KIAA1217: variants seen among roughly 807,000 people sequenced by gnomAD.
KIAA1217 encodes sickle tail protein homolog.
KIAA1217 carries 88 observed loss-of-function variants against 163.9 expected under a neutral mutation model. The observed-to-expected ratio is 0.54, with a 90% CI of 0.45 to 0.64. The LOEUF is 0.64. KIAA1217 is among the 30% of genes least tolerant of loss of function. The pLI is 0.00. For missense variants in KIAA1217, 2,372 were observed against 2,475.0 expected (o/e 0.96, Z 0.88); for synonymous variants, 903 against 923.1 (o/e 0.98, Z 0.39).
At chr10:24,526,005 CA>C (rs1001882931) in intron 13 of KIAA1217, among the ~76,000 whole-genome samples, 3 of 152,148 alleles carry the variant, frequency 2.0e-5, no homozygotes, top group Admixed American at 6.6e-5. Flanking sequence ...ATCATAAGAT[CA>C]AATGACATAT....
At chr10:23,827,317 T>G (rs184070940) in intron 1 of KIAA1217, among the ~76,000 whole-genome samples, 1 of 152,334 alleles carries the variant, frequency 6.6e-6, no homozygotes, top group Non-Finnish European at 1.5e-5. Flanking sequence ...TGAAAAACTT[T>G]CACTGGCTCT....
intron 2 of KIAA1217, among the ~76,000 whole-genome samples, chr10:24,045,187 A>G (rs1007533418): frequency 6.6e-6 from 1 of 152,062 alleles, no homozygotes; most frequent in African/African-American, 2.4e-5. Flanking sequence ...TGAGATCTAG[A>G]AGTGTTGATG....
intron 1 of KIAA1217, among the ~76,000 whole-genome samples, chr10:23,891,422 C>T (rs993098146): frequency 1.3e-5 from 2 of 151,888 alleles, no homozygotes; most frequent in African/African-American, 4.8e-5. Context: ...ACGTTTAAAC[C>T]TTTGAACCCA....
At chr10:24,536,140 C>A (rs960109120) in intron 16 of KIAA1217, among the ~76,000 whole-genome samples, 4 of 152,158 alleles carry the variant, frequency 2.6e-5, no homozygotes, top group Non-Finnish European at 5.9e-5. Context: ...GACTGAAGTT[C>A]ACAAGAGCCA....
At position 23,747,742 on chromosome 10, in the gene KIAA1217, A is replaced by G. The variant is rs987905491; in HGVS notation, c.-321+52508A>G. Among the ~76,000 whole-genome samples, 6 of 152,250 alleles carry G rather than the reference A, an allele frequency of 3.9e-5. No individual in the cohort carries two copies. In the East Asian group the frequency reaches 1.2e-3, roughly 29 times the overall value. On this transcript the variant is annotated intron_variant, in intron 1 of 18. Transcript: ENST00000376462. ...GTGAGTTCCTTCAGAAGCCCAATCT[A>G]GAACTGGCTGGCCTCTTTGCAAAAG...
At chr10:24,372,443 A>C (rs1386178419) in intron 2 of KIAA1217, among the ~76,000 whole-genome samples, 1 of 152,298 alleles carries the variant, frequency 6.6e-6, no homozygotes, top group East Asian at 1.9e-4. Context: ...GAAGGAACTC[A>C]GATAAAACAA....
intron 7 of KIAA1217, 95 bp from the exon 8 acceptor site, chr10:24,495,052 C>G: frequency 2.0e-6 from 2 of 1,004,150 alleles, no homozygotes; most frequent in Middle Eastern, 2.1e-4. Context: ...CCCATCACTG[C>G]CAATTGCTTC....
At chr10:24,512,616 C>T (rs1033652793) in intron 9 of KIAA1217, among the ~76,000 whole-genome samples, 5 of 152,218 alleles carry the variant, frequency 3.3e-5, no homozygotes, top group African/African-American at 9.6e-5. Flanking sequence ...CATCCAGAAT[C>T]ATTATCATTG....
chr10:23,855,094 A>G (rs554455202), intron 1 of KIAA1217, among the ~76,000 whole-genome samples: 2 of 152,254 alleles, frequency 1.3e-5, no homozygotes, highest in African/African-American at 4.8e-5. Flanking sequence ...TAGTTGATGC[A>G]GTTTCTTCCT....
At chr10:24,036,095 A>G (rs1385402189) in intron 2 of KIAA1217, among the ~76,000 whole-genome samples, 1 of 152,210 alleles carries the variant, frequency 6.6e-6, no homozygotes, top group Non-Finnish European at 1.5e-5. Context: ...CCCAGGGAGG[A>G]GATCCCCAAC....
At chr10:24,397,299 AG>A (rs1166296051) in intron 3 of KIAA1217, among the ~76,000 whole-genome samples, 1 of 152,120 alleles carries the variant, frequency 6.6e-6, no homozygotes, top group African/African-American at 2.4e-5. Flanking sequence ...TATGTTGGCC[AG>A]GCTGGTCTCG....
chr10:24,181,805 G>A (rs2066183627), intron 2 of KIAA1217, among the ~76,000 whole-genome samples: 1 of 152,154 alleles, frequency 6.6e-6, no homozygotes, highest in Non-Finnish European at 1.5e-5. Flanking sequence ...TGTCAAGGAT[G>A]TCTCTGATTT....
At chr10:24,450,401 C>T (rs2061297631) in intron 5 of KIAA1217, among the ~76,000 whole-genome samples, 1 of 152,190 alleles carries the variant, frequency 6.6e-6, no homozygotes, top group South Asian at 2.1e-4. Context: ...TCTCTTATAG[C>T]AGGTTTAGTG....
chr10:24,300,561 G>A (rs868819759), intron 2 of KIAA1217, among the ~76,000 whole-genome samples: 3 of 151,966 alleles, frequency 2.0e-5, no homozygotes, highest in Non-Finnish European at 4.4e-5. Context: ...TTTGGGTGGC[G>A]TCTGCATTCT....
chr10:23,786,538 CA>C (rs4019609), intron 1 of KIAA1217, among the ~76,000 whole-genome samples: 5,566 of 126,604 alleles, frequency 0.044, 120 homozygotes, highest in South Asian at 0.12. Context: ...CAGAAGTAGC[CA>C]AAAAAAAAAA....
At chr10:24,026,742 A>ATTTTTTTTTTTTTTTTTTTTTTTT in intron 2 of KIAA1217, among the ~76,000 whole-genome samples, 7 of 70,078 alleles carry the variant, frequency 1.0e-4, no homozygotes, top group East Asian at 4.5e-4. Context: ...TATTTCATTG[A>ATTTTTTTTTTTTTTTTTTTTTTTT]TTTTTTTTTT....
At position 24,434,025 on chromosome 10, in the gene KIAA1217, CTTTTTTTTTTTTTT is replaced by C. The variant is rs569791889; in HGVS notation, c.752+848_752+861del. Among the ~76,000 whole-genome samples, 82 of 72,646 alleles carry C rather than the reference CTTTTTTTTTTTTTT, an allele frequency of 1.1e-3. 1 individual carries two copies. Among genetic ancestry groups the C allele is most frequent in the African/African-American group, 5.0e-3 (76 of 15,268 alleles). 47.7% of individuals were successfully genotyped at this position (72,646 alleles called of 152,430 possible). A position where few individuals can be genotyped will look rare whatever the true frequency, so the allele number is the denominator to read the frequency against. On this transcript the variant is annotated intron_variant, in intron 4 of 20. Coordinates refer to ENST00000376454, the MANE Select transcript of KIAA1217 (RefSeq NM_019590.5). ...TCTCTCTCCCTCTCTCTCTCTCTCT[CTTTTTTTTTTTTTT>C]TTTTTTTTTTTTTTTATGAGACAGT...
chr10:23,933,310 T>A (rs559287922), intron 1 of KIAA1217, among the ~76,000 whole-genome samples: 1 of 152,214 alleles, frequency 6.6e-6, no homozygotes, highest in African/African-American at 2.4e-5. Context: ...ACCGGAAGGG[T>A]GCGTTAGTTT....
chr10:24,278,020 G>A (rs947578387), intron 2 of KIAA1217, among the ~76,000 whole-genome samples: 1 of 152,230 alleles, frequency 6.6e-6, no homozygotes, highest in Non-Finnish European at 1.5e-5. Flanking sequence ...GAGGACGGAC[G>A]CACAGTCTGT....
Sources: gnomAD v4.1 joint callset for allele counts (sites outside exome capture counted in the v4.1 genomes callset) on GRCh38, gnomAD v4.1.1 for gene constraint, MANE v1.5 for transcripts, NCBI Gene and HGNC (gene_info 2026-07-23, HGNC 2026-07-21) for gene names.